GALNT18: variants seen among roughly 807,000 people sequenced by gnomAD.
GALNT18 encodes the protein GalNAc-transferase 18.
GALNT18 carries 44 observed loss-of-function variants against 69.5 expected under a neutral mutation model. That is an observed-to-expected ratio of 0.63 (90% CI 0.50 to 0.81). The LOEUF is 0.81. GALNT18 is among the 40% of genes least tolerant of loss of function. The probability of loss-of-function intolerance (pLI) is 0.00; values close to 1 mark genes in which losing one functional copy is unlikely to be tolerated. For missense variants in GALNT18, 715 were observed against 810.0 expected (o/e 0.88, Z 1.42); for synonymous variants, 364 against 318.2 (o/e 1.14, Z -1.53).
chr11:11,509,953 TC>T lies in GALNT18; in HGVS notation c.236-61018del, dbSNP rs1401204307. On this transcript the variant is annotated intron_variant, in intron 1 of 10. Coordinates refer to ENST00000227756, the MANE Select transcript of GALNT18 (RefSeq NM_198516.3). ...TTTGTATAAGACACAGCATCGGTGG[TC>T]ACATCCTCTGAGAAGCCTTCTGAGG... is the stretch of plus-strand genomic sequence containing the variant. Among the ~76,000 whole-genome samples the T allele has an allele frequency of 3.3e-5, 5 of 152,302 alleles. No homozygotes were observed. The East Asian group carries it at 9.7e-4, about 29-fold the overall frequency.
chr11:11,500,019 GA>G lies in GALNT18; in HGVS notation c.236-51084del, dbSNP rs1366297196. Among the ~76,000 whole-genome samples the G allele has an allele frequency of 2.6e-5, 4 of 152,082 alleles. No homozygotes were observed. Among genetic ancestry groups the G allele is most frequent in the Admixed American group, 6.5e-5 (1 of 15,270 alleles). On this transcript the variant is annotated intron_variant, in intron 1 of 10. Transcript: ENST00000227756. The surrounding 1 kb of genome is among the most constrained non-coding windows in gnomAD (Gnocchi z 5.0). ...AAAGATGCAGTCCTAGAGACACAGA[GA>G]AAGAAAAAAGATCAAGAGAAAGGGA...
At position 11,523,354 on chromosome 11, in the gene GALNT18, A is replaced by G. The variant is rs1431798689; in HGVS notation, c.236-74418T>C. ...GTCACAGGTGAGGAAATGGAGGCTC[A>G]TGGAAGTTAAGTAGCTTGCTTGCTC... On this transcript the variant is annotated intron_variant, in intron 1 of 10. Coordinates refer to ENST00000227756, the MANE Select transcript of GALNT18 (RefSeq NM_198516.3). The surrounding 1 kb of genome is among the most constrained non-coding windows in gnomAD (Gnocchi z 4.3). Among the ~76,000 whole-genome samples the G allele has an allele frequency of 6.6e-6, 1 of 152,212 alleles. No homozygotes were observed. Among genetic ancestry groups the G allele is most frequent in the East Asian group, 1.9e-4 (1 of 5,192 alleles).
intron 3 of GALNT18, among the ~76,000 whole-genome samples, chr11:11,397,819 G>A (rs1446343155): frequency 6.6e-6 from 1 of 152,152 alleles, no homozygotes; most frequent in African/African-American, 2.4e-5. Flanking sequence ...ATAGAAAGGA[G>A]ATTCAAAATT....
chr11:11,271,345 T>C, intron 10 of GALNT18, 55 bp from the exon 11 acceptor site: 1 of 1,576,570 alleles, frequency 6.3e-7, no homozygotes, highest in Non-Finnish European at 8.7e-7. Context: ...CATGCAGAAA[T>C]TCGGGAGCCT....
At chr11:11,293,765 C>G (rs1472302490) in intron 9 of GALNT18, among the ~76,000 whole-genome samples, 1 of 152,120 alleles carries the variant, frequency 6.6e-6, no homozygotes, top group Non-Finnish European at 1.5e-5. Context: ...TGGTTTCAAA[C>G]TCCTGACCTC....
intron 3 of GALNT18, among the ~76,000 whole-genome samples, chr11:11,397,035 C>T (rs966236094): frequency 6.6e-6 from 1 of 152,114 alleles, no homozygotes; most frequent in Non-Finnish European, 1.5e-5. Flanking sequence ...CAAATGTGTG[C>T]AGACACACAC....
intron 9 of GALNT18, among the ~76,000 whole-genome samples, chr11:11,321,896 C>T (rs552206286): frequency 1.3e-5 from 2 of 152,342 alleles, no homozygotes; most frequent in East Asian, 3.9e-4. Flanking sequence ...TGAGCCACCA[C>T]ACCTGGCCTA....
At chr11:11,408,134 G>A (rs1010611895) in intron 3 of GALNT18, among the ~76,000 whole-genome samples, 1 of 152,198 alleles carries the variant, frequency 6.6e-6, no homozygotes, top group Non-Finnish European at 1.5e-5. Context: ...GGAAGGCCAA[G>A]GCAGGCGGAT....
At chr11:11,363,347 G>A (rs369454518) in intron 6 of GALNT18, among the ~76,000 whole-genome samples, 22 of 152,086 alleles carry the variant, frequency 1.4e-4, no homozygotes, top group Non-Finnish European at 2.6e-4. Flanking sequence ...TAGGACAACC[G>A]TACAGAGAGG....
chr11:11,370,599 A>G (rs529406718), intron 6 of GALNT18, among the ~76,000 whole-genome samples: 2 of 152,096 alleles, frequency 1.3e-5, no homozygotes, highest in African/African-American at 2.4e-5. Flanking sequence ...AAAAAAAAAA[A>G]AACCAGATAT....
At position 11,340,533 on chromosome 11, in the gene GALNT18, C is replaced by T. The variant is rs576089216; in HGVS notation, c.1278+286G>A. Reference sequence around the variant, plus strand: ...TGAGGACCTGGGAGCATGAAGGAAACTTGAGCTACCTGTCCAACTTTCTCA... The same window carrying T: ...TGAGGACCTGGGAGCATGAAGGAAATTTGAGCTACCTGTCCAACTTTCTCA... On this transcript the variant is annotated intron_variant, in intron 7 of 10. Coordinates refer to ENST00000227756, the MANE Select transcript of GALNT18 (RefSeq NM_198516.3). This position sits in a 1 kb window ranked among gnomAD's most constrained non-coding sequence, Gnocchi z 4.2. Among the ~76,000 whole-genome samples, 57 of 152,302 alleles carry T rather than the reference C, an allele frequency of 3.7e-4. No homozygotes were observed. The South Asian group carries it at 9.8e-3, about 26-fold the overall frequency.
intron 10 of GALNT18, among the ~76,000 whole-genome samples, chr11:11,280,507 G>A (rs1225298926): frequency 6.6e-6 from 1 of 151,948 alleles, no homozygotes; most frequent in Non-Finnish European, 1.5e-5. Context: ...CTTGTCTTGA[G>A]CTCCCCTGAG....
intron 9 of GALNT18, among the ~76,000 whole-genome samples, chr11:11,304,630 T>C (rs570354314): frequency 2.0e-5 from 3 of 152,218 alleles, no homozygotes; most frequent in Non-Finnish European, 2.9e-5. Context: ...TAAATACAGA[T>C]TGATTTGTTG....
At chr11:11,367,775 G>A (rs540528454) in intron 6 of GALNT18, among the ~76,000 whole-genome samples, 49 of 152,338 alleles carry the variant, frequency 3.2e-4, no homozygotes, top group Non-Finnish European at 6.6e-4. Context: ...CAACTGAGAA[G>A]TTGCCTATTT....
intron 1 of GALNT18, among the ~76,000 whole-genome samples, chr11:11,569,782 T>C (rs1307383729): frequency 6.6e-6 from 1 of 151,838 alleles, no homozygotes; most frequent in East Asian, 1.9e-4. Context: ...TGCTGGTAAG[T>C]AGGCAAGCAG....
chr11:11,512,409 T>C (rs149893384), intron 1 of GALNT18, among the ~76,000 whole-genome samples: 1 of 152,336 alleles, frequency 6.6e-6, no homozygotes, highest in African/African-American at 2.4e-5. Context: ...CATTTACAGA[T>C]TCTCTCTGGA....
chr11:11,452,221 C>G (rs982707038), intron 1 of GALNT18, among the ~76,000 whole-genome samples: 2 of 152,246 alleles, frequency 1.3e-5, no homozygotes, highest in Non-Finnish European at 2.9e-5. Context: ...GTTAAGAACA[C>G]TGGCTGTGGA....
rs1329895798 is a variant in GALNT18 at position 11,486,893 on chromosome 11, T to C, written c.236-37957A>G. ...GGGAGATGGATAAGAGCTGTGTATGTGAGGGAAGGAATAAATGTTCCTGCC... is the reference window on the plus strand; with the variant it reads ...GGGAGATGGATAAGAGCTGTGTATGCGAGGGAAGGAATAAATGTTCCTGCC... On this transcript the variant is annotated intron_variant, in intron 1 of 10. Transcript: ENST00000227756. Among the ~76,000 whole-genome samples, 7 of 152,330 alleles carry C rather than the reference T, an allele frequency of 4.6e-5. No individual in the cohort carries two copies. In the East Asian group the frequency reaches 1.4e-3, roughly 29 times the overall value.
Position 11,341,151 on chromosome 11 carries a change from T to C in GALNT18, c.1093-147A>G, listed in dbSNP as rs1352046272. 2 of 650,044 alleles carry C rather than the reference T, an allele frequency of 3.1e-6. No homozygotes were observed. Among genetic ancestry groups the C allele is most frequent in the Admixed American group, 3.1e-5 (1 of 32,318 alleles). 40.3% of individuals were successfully genotyped at this position (650,044 alleles called of 1,614,324 possible). A position where few individuals can be genotyped will look rare whatever the true frequency, so the allele number is the denominator to read the frequency against. ...TCACTCTCTGTGAAGGAGTAGGCCA[T>C]ACCTGATTTCTGCTCCTATAGCAGC... On this transcript the variant is annotated intron_variant, in intron 6 of 10. Transcript: ENST00000227756. This position sits in a 1 kb window ranked among gnomAD's most constrained non-coding sequence, Gnocchi z 6.3.
Sources: allele counts gnomAD v4.1 joint callset (sites outside exome capture counted in the v4.1 genomes callset), GRCh38; gene constraint gnomAD v4.1.1; non-coding constraint Gnocchi (gnomAD v3.1); transcripts MANE v1.5; gene names NCBI Gene and HGNC (gene_info 2026-07-23, HGNC 2026-07-21).